Variants in PKP2 observed in about 807,000 individuals in gnomAD.
PKP2 encodes plakophilin-2.
A neutral mutation model predicts 83.4 loss-of-function variants in PKP2; 73 were observed. The observed-to-expected ratio is 0.88, with a 90% confidence interval of 0.72 to 1.06. PKP2 has a LOEUF of 1.06. Among genes scored for constraint, PKP2 ranks in the 50% least tolerant of loss-of-function variants. The probability of loss-of-function intolerance (pLI) is 0.00; values close to 1 mark genes in which losing one functional copy is unlikely to be tolerated. For missense variants in PKP2, 966 were observed against 1,065.4 expected (o/e 0.91, Z 1.30); for synonymous variants, 409 against 430.4 (o/e 0.95, Z 0.62).
intron 5 of PKP2, among the ~76,000 whole-genome samples, chr12:32,842,318 T>C (rs146976626): frequency 6.6e-6 from 1 of 152,184 alleles, no homozygotes; most frequent in African/African-American, 2.4e-5. Flanking sequence ...TCTCGGTTCA[T>C]TGCAATCTCC....
At chr12:32,835,588 G>A (rs1956539486) in intron 6 of PKP2, among the ~76,000 whole-genome samples, 2 of 151,996 alleles carry the variant, frequency 1.3e-5, no homozygotes, top group African/African-American at 4.8e-5. Flanking sequence ...AAAGCAAGAA[G>A]AAGAAAACAT....
chr12:32,846,866 T>C (rs1472313159), intron 5 of PKP2, among the ~76,000 whole-genome samples: 1 of 151,576 alleles, frequency 6.6e-6, no homozygotes, highest in African/African-American at 2.4e-5. Flanking sequence ...AGTCATCACG[T>C]GCCTCAAAAG....
At chr12:32,818,354 A>G (rs561172173) in intron 9 of PKP2, among the ~76,000 whole-genome samples, 7 of 152,114 alleles carry the variant, frequency 4.6e-5, no homozygotes, top group Non-Finnish European at 1.0e-4. Flanking sequence ...CCAACTACTC[A>G]AGAGGCTGAG....
Position 32,882,204 on chromosome 12 carries a change from C to A in PKP2, c.224-3172G>T, listed in dbSNP as rs563480870. Among the ~76,000 whole-genome samples, 3 of 152,234 alleles carry A rather than the reference C, an allele frequency of 2.0e-5. No homozygotes were observed. In the South Asian group the frequency reaches 6.2e-4, roughly 32 times the overall value. On this transcript the variant is annotated intron_variant, in intron 1 of 12. Transcript: ENST00000340811. ...AGTTTAGGGCTATCCATGTTCAAAC[C>A]TTTAGACCACATGAAAACTGAATTA...
intron 6 of PKP2, among the ~76,000 whole-genome samples, chr12:32,828,679 C>CAG (rs752139140): frequency 3.1e-4 from 47 of 152,234 alleles, no homozygotes; most frequent in Non-Finnish European, 5.9e-4. Flanking sequence ...TGGCTATGTG[C>CAG]AGGGGTGCTG....
In PKP2 at chr12:32,791,671, G is replaced by GT. The variant is rs770216671; in HGVS notation, c.*752dup. 2.6e-5 allele frequency: 4 copies of GT among 152,128 alleles called. No individual in the cohort carries two copies. Among genetic ancestry groups the GT allele is most frequent in the African/African-American group, 4.8e-5 (2 of 41,412 alleles). The allele number at this position is 152,128 out of a possible 1,614,324, so 9.4% of individuals were successfully genotyped here. ...TCATTGACTCAGTGTTTGGGGGAAC[G>GT]TTAAATTTTATCATCACAGTTGCCT... On this transcript the variant is annotated 3_prime_UTR_variant, in exon 13 of 13. Transcript: ENST00000340811.
In PKP2 at chr12:32,825,706, C is replaced by T. The variant is rs912976927; in HGVS notation, c.1557-1544G>A. Among the ~76,000 whole-genome samples the T allele has an allele frequency of 3.2e-4, 49 of 152,062 alleles. 1 individual carries two copies. ...CTGCTTGAGCCCAGGAGTTTAAGAC[C>T]AGCCTGGGCAACATGGCTAAACCCT... On this transcript the variant is annotated intron_variant, in intron 6 of 12. Transcript: ENST00000340811.
intron 10 of PKP2, among the ~76,000 whole-genome samples, chr12:32,799,471 A>C (rs769411578): frequency 2.6e-5 from 4 of 152,246 alleles, no homozygotes; most frequent in Non-Finnish European, 5.9e-5. Context: ...TATATGAAAA[A>C]GACACTTGTA....
intron 9 of PKP2, among the ~76,000 whole-genome samples, chr12:32,804,021 A>G (rs916910537): frequency 6.6e-6 from 1 of 151,638 alleles, no homozygotes; most frequent in African/African-American, 2.4e-5. Context: ...ACAGTTAAAA[A>G]AAATAATGTG....
chr12:32,839,450 T>C (rs370640506), intron 6 of PKP2, among the ~76,000 whole-genome samples: 1 of 151,260 alleles, frequency 6.6e-6, no homozygotes, highest in East Asian at 2.0e-4. Context: ...AAGGCTTCTT[T>C]GCATTTGCAG....
rs185582539 is a variant in PKP2, at chr12:32,795,600, C to T, written c.2357+509G>A. Among the ~76,000 whole-genome samples, 8 of 152,200 alleles carry T rather than the reference C, an allele frequency of 5.3e-5. No individual in the cohort carries two copies. The East Asian group carries it at 5.8e-4, about 11-fold the overall frequency. On this transcript the variant is annotated intron_variant, in intron 11 of 12. Transcript: ENST00000340811. ...TTTGCCATGTCGGCCAGGCTGGTCT[C>T]GAACTTCTGACCTCAAGTGATCCAT...
chr12:32,793,723 G>A lies in PKP2; in HGVS notation c.2358-992C>T, dbSNP rs1416871120. ...CGATTCTCCTGCCTCAGCCTCCGAA[G>A]TAGCTGGGACTACAGGCGCATGCCA... is the stretch of plus-strand genomic sequence containing the variant. On this transcript the variant is annotated intron_variant, in intron 11 of 12. Transcript: ENST00000340811. 1.4e-5 allele frequency among the ~76,000 whole-genome samples: 2 copies of A among 142,662 alleles called. 1 individual carries two copies. The highest frequency in any genetic ancestry group is 3.0e-5 in the Non-Finnish European group (2 of 66,448). 93.6% of individuals were successfully genotyped at this position (142,662 alleles called of 152,430 possible). A position where few individuals can be genotyped will look rare whatever the true frequency, so the allele number is the denominator to read the frequency against.
intron 9 of PKP2, among the ~76,000 whole-genome samples, chr12:32,805,052 A>C (rs962346274): frequency 1.3e-5 from 2 of 152,114 alleles, no homozygotes; most frequent in African/African-American, 4.8e-5. Flanking sequence ...TCTAATGATC[A>C]GTGATGTTGA....
rs954173466 is a variant in PKP2, at chr12:32,826,983, C to A, written c.1557-2821G>T. ...GTCTGCAAATACCATATGTCCCCAA[C>A]TACATGATGTTATCATATGTTTAAA... On this transcript the variant is annotated intron_variant, in intron 6 of 12. Coordinates refer to ENST00000340811, the MANE Select transcript of PKP2 (RefSeq NM_001005242.3). Among the ~76,000 whole-genome samples the A allele has an allele frequency of 4.6e-5, 7 of 152,352 alleles. No homozygotes were observed. In the East Asian group the frequency reaches 1.3e-3, roughly 29 times the overall value.
At position 32,851,966 on chromosome 12, in the gene PKP2, A is replaced by C. The variant is rs190353456; in HGVS notation, c.1171-993T>G. Among the ~76,000 whole-genome samples the C allele has an allele frequency of 2.0e-5, 3 of 152,376 alleles. No individual in the cohort carries two copies. The East Asian group carries it at 5.8e-4, about 29-fold the overall frequency. ...CCAGGAATGGGAAACAAATTGATCT[A>C]AGAAGGGGCCAAATAATCCTAATCT... is the stretch of plus-strand genomic sequence containing the variant. On this transcript the variant is annotated intron_variant, in intron 4 of 12. Coordinates refer to ENST00000340811, the MANE Select transcript of PKP2 (RefSeq NM_001005242.3).
chr12:32,812,304 A>T (rs1365987074), intron 9 of PKP2, among the ~76,000 whole-genome samples: 1 of 152,086 alleles, frequency 6.6e-6, no homozygotes, highest in Non-Finnish European at 1.5e-5. Context: ...TGCTCAACCT[A>T]CATTGCTGTA....
At chr12:32,853,791 G>A (rs1296981046) in intron 4 of PKP2, among the ~76,000 whole-genome samples, 2 of 152,282 alleles carry the variant, frequency 1.3e-5, no homozygotes, top group East Asian at 3.9e-4. Context: ...GATTACAGGC[G>A]TGAGCCACCG....
At chr12:32,861,963 T>C (rs1488446261) in intron 4 of PKP2, among the ~76,000 whole-genome samples, 1 of 152,136 alleles carries the variant, frequency 6.6e-6, no homozygotes, top group Non-Finnish European at 1.5e-5. Context: ...AGTGGTGTGA[T>C]CTCAGCTTAC....
intron 3 of PKP2, among the ~76,000 whole-genome samples, chr12:32,874,325 G>C (rs1956916039): frequency 6.6e-6 from 1 of 152,148 alleles, no homozygotes; most frequent in African/African-American, 2.4e-5. Context: ...CTGAAATGAG[G>C]CGTGGAGCCC....
Sources: allele counts gnomAD v4.1 joint callset (sites outside exome capture counted in the v4.1 genomes callset), GRCh38; gene constraint gnomAD v4.1.1; transcripts MANE v1.5; gene names NCBI Gene and HGNC (gene_info 2026-07-23, HGNC 2026-07-21).